RPL7: variants seen among roughly 807,000 people sequenced by gnomAD.
RPL7 encodes the protein large ribosomal subunit protein uL30.
For missense variants in RPL7, 205 were observed against 301.9 expected, an observed-to-expected ratio of 0.68 and a Z score of 2.38; for synonymous variants, 100 against 102.2, an observed-to-expected ratio of 0.98 and a Z score of 0.13.
chr8:73,290,713 GA>G lies in RPL7; in HGVS notation c.*2-9del. On this transcript the variant is annotated splice_polypyrimidine_tract_variant and intron_variant, in intron 6 of 6. Transcript: ENST00000352983. ...AATAATCATGGTAGACACCTGAAAG[GA>G]AAAAAGAAAACCATTAGAAAACACT... 4.5e-6 allele frequency: 1 copy of G among 221,800 alleles called. No homozygotes were observed. The highest frequency in any genetic ancestry group is 8.9e-6 in the Non-Finnish European group (1 of 112,358). The allele number at this position is 221,800 out of a possible 1,614,324, so 13.7% of individuals were successfully genotyped here.
At chr8:73,292,057 A>C in intron 3 of RPL7, 147 bp from the exon 4 acceptor site, 1 of 1,234,736 alleles carries the variant, frequency 8.1e-7, no homozygotes, top group South Asian at 1.5e-5. Context: ...CTATTAAGAG[A>C]AGGGATAGGA....
chr8:73,293,407 C>G (rs1394016284), intron 1 of RPL7, 192 bp downstream of exon 1: 1 of 623,260 alleles, frequency 1.6e-6, no homozygotes, highest in African/African-American at 1.9e-5. Context: ...CCGGGATCTC[C>G]AAAACCTCCG....
At chr8:73,293,475 G>T (rs1223406096) in intron 1 of RPL7, 124 bp downstream of exon 1, 1 of 1,241,064 alleles carries the variant, frequency 8.1e-7, no homozygotes, top group Non-Finnish European at 1.2e-6. Context: ...GTCACACAGC[G>T]TTCACAATCA....
upstream of RPL7, chr8:73,293,747 AC>A: frequency 9.9e-7 from 1 of 1,012,914 alleles, no homozygotes; most frequent in Non-Finnish European, 1.5e-6. Flanking sequence ...CGCCTTGCAG[AC>A]GCAAAGAACT....
chr8:73,293,417 G>T, intron 1 of RPL7, 182 bp downstream of exon 1: 1 of 689,632 alleles, frequency 1.5e-6, no homozygotes, highest in African/African-American at 1.8e-5. Flanking sequence ...CAAAACCTCC[G>T]TCCTAAGACC....
chr8:73,291,325 G>C (rs991054994), intron 5 of RPL7, 73 bp from the exon 6 acceptor site: 1 of 1,235,888 alleles, frequency 8.1e-7, no homozygotes, highest in African/African-American at 1.5e-5. Context: ...AAATCTTTTT[G>C]AATAGGCTGT....
Position 73,291,614 on chromosome 8 carries a change from T to C in RPL7, c.476A>G (p.Tyr159Cys), listed in dbSNP as rs202073759. The C allele has an allele frequency of 3.1e-6, 5 of 1,599,028 alleles. No individual in the cohort carries two copies. The highest frequency in any genetic ancestry group is 2.7e-5 in the African/African-American group (2 of 74,858). The change falls in exon 5 of 7, where the codon TAT becomes TGT. Residue 159 changes from tyrosine (Y) to cysteine (C), a missense_variant. By Grantham distance (194) the Tyr-to-Cys change is radical. Transcript: ENST00000352983. ...SVNELIYKRG[Y>C]GKINKKRIAL... ...AATTCGCTTCTTATTGATTTTGCCA[T>C]AACCACGCTTGTAGATTAGTTCATT...
In RPL7 at chr8:73,293,581, G is replaced by A. The variant is rs1264466216; in HGVS notation, c.14+18C>T. 9.3e-6 allele frequency: 15 copies of A among 1,613,596 alleles called. No homozygotes were observed. Among genetic ancestry groups the A allele is most frequent in the South Asian group, 6.6e-5 (6 of 91,014 alleles). ...TGGAGATGGAGAAGGATTCTCAAGA[G>A]GACCAGAAGCAACTCACTCTACACC... On this transcript the variant is annotated intron_variant, in intron 1 of 6. Coordinates refer to ENST00000352983, the MANE Select transcript of RPL7 (RefSeq NM_000971.4).
At chr8:73,292,089 A>G (rs1814110685) in intron 3 of RPL7, 150 bp downstream of exon 3, 2 of 1,079,192 alleles carry the variant, frequency 1.9e-6, no homozygotes, top group Non-Finnish European at 2.7e-6. Context: ...ATGGCTTGCA[A>G]CTAAACCATT....
chr8:73,293,083 A>C (rs1814145077), intron 1 of RPL7: 3 of 323,724 alleles, frequency 9.3e-6, no homozygotes, highest in African/African-American at 2.1e-5. Context: ...AAAAAAAAAA[A>C]CAAAAAAAAC....
At chr8:73,292,202 T>TTTC (rs1554579404) in intron 3 of RPL7, 37 bp downstream of exon 3, 4 of 1,546,480 alleles carry the variant, frequency 2.6e-6, no homozygotes, top group Non-Finnish European at 3.5e-6. Context: ...TTTTTTTTTT[T>TTTC]CCCATTCAAA....
rs772830785 is a variant in RPL7 at position 73,291,924 on chromosome 8, G to A, written c.291-14C>T. 3.7e-6 allele frequency: 6 copies of A among 1,604,704 alleles called. No individual in the cohort carries two copies. The highest frequency in any genetic ancestry group is 3.3e-5 in the Admixed American group (2 of 59,724). On this transcript the variant is annotated splice_polypyrimidine_tract_variant and intron_variant, in intron 3 of 6. Coordinates refer to ENST00000352983, the MANE Select transcript of RPL7 (RefSeq NM_000971.4). Reference sequence around the variant, plus strand: ...ACTCCATTGATACTGTGGTGAAAACGGACCAGAAATGCATTTGCCTTTCAT... The same window carrying A: ...ACTCCATTGATACTGTGGTGAAAACAGACCAGAAATGCATTTGCCTTTCAT...
chr8:73,293,232 CAT>C (rs1563544070), intron 1 of RPL7: 1 of 261,154 alleles, frequency 3.8e-6, no homozygotes, highest in East Asian at 8.0e-5. Flanking sequence ...TCAGGATCCA[CAT>C]GTTGAAAGCA....
chr8:73,290,935 C>T (rs1195566485), intron 6 of RPL7, 108 bp downstream of exon 6: 10 of 827,526 alleles, frequency 1.2e-5, no homozygotes, highest in Admixed American at 2.3e-5. Flanking sequence ...CACAAAAGCA[C>T]TGATTAAAAT....
Position 73,293,583 on chromosome 8 carries a change from A to G in RPL7, c.14+16T>C, listed in dbSNP as rs999267061. 6.2e-7 allele frequency: 1 copy of G among 1,613,856 alleles called. No homozygotes were observed. ...GAGATGGAGAAGGATTCTCAAGAGG[A>G]CCAGAAGCAACTCACTCTACACCCT... On this transcript the variant is annotated intron_variant, in intron 1 of 6. Coordinates refer to ENST00000352983, the MANE Select transcript of RPL7 (RefSeq NM_000971.4).
intron 1 of RPL7, chr8:73,293,350 C>T (rs1814157968): frequency 2.0e-6 from 1 of 504,172 alleles, no homozygotes; most frequent in African/African-American, 1.9e-5. Flanking sequence ...ACTGGGCCGT[C>T]AGCCAACCGA....
Position 73,291,105 on chromosome 8 carries a change from T to G in RPL7, c.686A>C (p.Glu229Ala), listed in dbSNP as rs747250517. The change falls in exon 6 of 7, where the codon GAA becomes GCA. Residue 229 changes from glutamate to alanine, a missense_variant. Physicochemically the swap from Glu to Ala is moderately radical, Grantham distance 107. Transcript: ENST00000352983. ...GMKKKTTHFV[E>A]GGDAGNREDQ... Reference sequence around the variant, plus strand: ...CTCCCTGTTGCCAGCATCTCCACCTTCTACAAAATGGGTGGTCTTTTTCTT... The same window carrying G: ...CTCCCTGTTGCCAGCATCTCCACCTGCTACAAAATGGGTGGTCTTTTTCTT... 1 of 1,608,806 alleles carries G rather than the reference T, an allele frequency of 6.2e-7. No homozygotes were observed. Among genetic ancestry groups the G allele is most frequent in the South Asian group, 1.1e-5 (1 of 90,888 alleles).
chr8:73,293,167 C>T (rs1814148185), intron 1 of RPL7: 1 of 225,710 alleles, frequency 4.4e-6, no homozygotes, highest in Admixed American at 5.5e-5. Flanking sequence ...ACTTTAAGCG[C>T]AAAAATTAAA....
At chr8:73,292,573 T>G (rs4237000) in intron 2 of RPL7, 116 bp downstream of exon 2, 786,120 of 987,984 alleles carry the variant, frequency 0.8, 313,981 homozygotes, top group East Asian at 0.92. Context: ...TAACATTAGG[T>G]AGCTAAGCAA....
Sources: allele counts gnomAD v4.1 joint callset, GRCh38; gene constraint gnomAD v4.1.1; transcripts MANE v1.5; gene names NCBI Gene and HGNC (gene_info 2026-07-23, HGNC 2026-07-21).